The following THSD7B variants were observed in gnomAD, a reference collection of about 807,000 sequenced individuals.
The protein encoded by THSD7B is thrombospondin type 1 domain containing 7B.
Under a neutral mutation model 213.6 loss-of-function variants are expected in THSD7B, and 138 were observed. That is an observed-to-expected ratio of 0.65 (90% CI 0.56 to 0.74). THSD7B has a LOEUF of 0.74. Among genes scored for constraint, THSD7B ranks in the 30% least tolerant of loss-of-function variants. THSD7B has a pLI of 0.00. For missense variants in THSD7B, 1,931 were observed against 1,991.5 expected, an observed-to-expected ratio of 0.97 and a Z score of 0.58; for synonymous variants, 742 against 687.0, an observed-to-expected ratio of 1.08 and a Z score of -1.25.
At chr2:137,280,850 GT>G (rs1682991110) in intron 12 of THSD7B, among the ~76,000 whole-genome samples, 2 of 152,074 alleles carry the variant, frequency 1.3e-5, no homozygotes, top group Admixed American at 6.6e-5. Flanking sequence ...AGATGCTGTC[GT>G]TTCTGTAAGT....
chr2:137,028,694 A>G (rs1686600336), intron 2 of THSD7B, among the ~76,000 whole-genome samples: 1 of 152,238 alleles, frequency 6.6e-6, no homozygotes, highest in South Asian at 2.1e-4. Flanking sequence ...ATCGTAAGAA[A>G]GAGCCCAGCA....
chr2:137,556,249 C>T (rs1680963353), intron 15 of THSD7B, among the ~76,000 whole-genome samples: 1 of 152,094 alleles, frequency 6.6e-6, no homozygotes, highest in Admixed American at 6.6e-5. Flanking sequence ...GTCAGATTCA[C>T]CAAAGTTGAA....
chr2:137,112,114 C>T (rs924067668), intron 4 of THSD7B, among the ~76,000 whole-genome samples: 1 of 152,052 alleles, frequency 6.6e-6, no homozygotes, highest in Non-Finnish European at 1.5e-5. Context: ...GAGTGGGCTC[C>T]TTTGATTTGT....
intron 1 of THSD7B, among the ~76,000 whole-genome samples, chr2:136,865,982 A>T (rs1179150301): frequency 6.6e-6 from 1 of 152,174 alleles, no homozygotes; most frequent in Non-Finnish European, 1.5e-5. Context: ...CTGTAAGATG[A>T]CATATTGTGT....
intron 3 of THSD7B, among the ~76,000 whole-genome samples, chr2:137,070,763 G>A (rs950514982): frequency 6.6e-6 from 1 of 151,200 alleles, no homozygotes; most frequent in Non-Finnish European, 1.5e-5. Flanking sequence ...CTTCCTGTGT[G>A]CATGTGTTCT....
At chr2:136,958,664 T>G (rs1315535349) in intron 2 of THSD7B, among the ~76,000 whole-genome samples, 2 of 152,240 alleles carry the variant, frequency 1.3e-5, no homozygotes, top group Non-Finnish European at 2.9e-5. Context: ...TAATTATTTT[T>G]GAATAACATT....
chr2:137,299,603 C>CA (rs1683551036), intron 12 of THSD7B, among the ~76,000 whole-genome samples: 1 of 152,038 alleles, frequency 6.6e-6, no homozygotes, highest in South Asian at 2.1e-4. Context: ...AAAATAACAA[C>CA]ATGTTAGTGC....
At chr2:137,670,793 C>A (rs979890972) in intron 27 of THSD7B, among the ~76,000 whole-genome samples, 1 of 151,764 alleles carries the variant, frequency 6.6e-6, no homozygotes, top group Non-Finnish European at 1.5e-5. Context: ...TGGTGGCGGG[C>A]GCCTGTAGTC....
At position 137,576,059 on chromosome 2, in the gene THSD7B, G is replaced by A. The variant is rs931051505; in HGVS notation, c.3423+3503G>A. ...TTCAAGAGAAGTTTATAAATTTCTG[G>A]ATGCAAATATCTTGGAACATTTGAA... On this transcript the variant is annotated intron_variant, in intron 17 of 27. Transcript: ENST00000409968. Among the ~76,000 whole-genome samples the A allele has an allele frequency of 1.3e-5, 2 of 151,992 alleles. 1 individual carries two copies. Among genetic ancestry groups the A allele is most frequent in the South Asian group, 4.1e-4 (2 of 4,828 alleles).
chr2:137,074,157 G>C (rs1022111038), intron 3 of THSD7B, among the ~76,000 whole-genome samples: 13 of 151,312 alleles, frequency 8.6e-5, no homozygotes, highest in Non-Finnish European at 1.6e-4. Context: ...TTTCTGTCTC[G>C]TTGATCTGTC....
Position 137,542,864 on chromosome 2 carries a change from A to T in THSD7B, c.3139-20357A>T, listed in dbSNP as rs117334779. Among the ~76,000 whole-genome samples the T allele has an allele frequency of 8.9e-4, 135 of 151,866 alleles. 1 individual carries two copies. The East Asian group carries it at 0.025, about 28-fold the overall frequency. The stretch of plus-strand genomic sequence containing the variant: ...TGAGAGCCTGAAAATACACCAAAAC[A>T]TTTATGATCGTTTTGGCAATGGTGC... On this transcript the variant is annotated intron_variant, in intron 15 of 27. Transcript: ENST00000409968.
chr2:137,526,150 C>T (rs1573685514), intron 15 of THSD7B, among the ~76,000 whole-genome samples: 2 of 152,004 alleles, frequency 1.3e-5, no homozygotes, highest in African/African-American at 4.8e-5. Flanking sequence ...TGTCCCGTAC[C>T]ACTTCTACCT....
intron 1 of THSD7B, among the ~76,000 whole-genome samples, chr2:136,777,155 C>T (rs886964902): frequency 8.5e-5 from 13 of 152,114 alleles, no homozygotes; most frequent in Non-Finnish European, 1.9e-4. Flanking sequence ...ATTATGCATT[C>T]TCTTGGATTT....
At chr2:137,030,353 C>G (rs990843433) in intron 2 of THSD7B, among the ~76,000 whole-genome samples, 2 of 152,044 alleles carry the variant, frequency 1.3e-5, no homozygotes, top group Non-Finnish European at 2.9e-5. Context: ...CTAAGTTTAT[C>G]CAGAATATAG....
chr2:136,969,720 A>T (rs1685375198), intron 2 of THSD7B, among the ~76,000 whole-genome samples: 1 of 152,190 alleles, frequency 6.6e-6, no homozygotes, highest in Admixed American at 6.5e-5. Flanking sequence ...TTTTCTTTAT[A>T]GAAACAGTAA....
intron 12 of THSD7B, among the ~76,000 whole-genome samples, chr2:137,362,450 A>C (rs546726950): frequency 6.6e-5 from 10 of 152,222 alleles, no homozygotes; most frequent in Non-Finnish European, 1.2e-4. Context: ...AATTGGATAA[A>C]GAGTCAAGAC....
In THSD7B at chr2:137,573,443, C is replaced by A. The variant is rs551382762; in HGVS notation, c.3423+887C>A. ...TATTGATTCCTTATTAAATATTGAG[C>A]CCTTATCTTTGATATTTGTATAATT... is the stretch of plus-strand genomic sequence containing the variant. On this transcript the variant is annotated intron_variant, in intron 17 of 27. Coordinates refer to ENST00000409968, the MANE Select transcript of THSD7B (RefSeq NM_001316349.2). Among the ~76,000 whole-genome samples the A allele has an allele frequency of 3.9e-5, 6 of 152,024 alleles. No homozygotes were observed. In the South Asian group the frequency reaches 8.3e-4, roughly 21 times the overall value.
At chr2:136,819,692 C>A (rs537705063) in intron 1 of THSD7B, among the ~76,000 whole-genome samples, 26 of 152,086 alleles carry the variant, frequency 1.7e-4, no homozygotes, top group Non-Finnish European at 3.7e-4. Flanking sequence ...TTATGCCCCC[C>A]CCAGTCCAGC....
intron 12 of THSD7B, among the ~76,000 whole-genome samples, chr2:137,322,280 C>A (rs778473536): frequency 1.1e-4 from 16 of 152,142 alleles, no homozygotes; most frequent in Non-Finnish European, 1.8e-4. Flanking sequence ...AGTTCCCGTC[C>A]CAGGTCTGCC....
Sources: gnomAD v4.1 joint callset for allele counts (sites outside exome capture counted in the v4.1 genomes callset) on GRCh38, gnomAD v4.1.1 for gene constraint, MANE v1.5 for transcripts, NCBI Gene and HGNC (gene_info 2026-07-23, HGNC 2026-07-21) for gene names.